Variants in CEP72 observed in about 807,000 individuals in gnomAD.
The protein encoded by CEP72 is centrosomal protein of 72 kDa.
A neutral mutation model predicts 65.7 loss-of-function variants in CEP72; 78 were observed. That is an observed-to-expected ratio of 1.19 (90% confidence interval 0.99 to 1.43). The LOEUF (loss-of-function observed/expected upper bound fraction) is 1.43, where lower values mean the gene tolerates loss of function less well. Ranked by LOEUF, CEP72 falls within the 40% of genes most tolerant of loss-of-function variation. The probability of loss-of-function intolerance (pLI) is 0.00; values close to 1 mark genes in which losing one functional copy is unlikely to be tolerated. For synonymous variants in CEP72, 358 were observed against 351.7 expected (o/e 1.02, Z -0.20); for missense variants, 914 against 832.9 (o/e 1.10, Z -1.20).
At position 649,304 on chromosome 5, in the gene CEP72, G is replaced by A. The variant is rs62650520; in HGVS notation, c.1778+1388G>A. On this transcript the variant is annotated intron_variant, in intron 11 of 11. Transcript: ENST00000264935. ...GACTGTGAGGCATGGACTGTGAGGCGTGACTGAGGCGTGACTGTGAGGCGT... is the reference window on the plus strand; with the variant it reads ...GACTGTGAGGCATGGACTGTGAGGCATGACTGAGGCGTGACTGTGAGGCGT... Among the ~76,000 whole-genome samples, 104 of 81,856 alleles carry A rather than the reference G, an allele frequency of 1.3e-3. 6 individuals are homozygous for A. Among genetic ancestry groups the A allele is most frequent in the African/African-American group, 3.7e-3 (86 of 22,982 alleles). 53.7% of individuals were successfully genotyped at this position (81,856 alleles called of 152,430 possible).
At chr5:654,761 A>G (rs1386336728), downstream of CEP72, among the ~76,000 whole-genome samples, 1 of 152,024 alleles carries the variant, frequency 6.6e-6, no homozygotes, top group Non-Finnish European at 1.5e-5. Flanking sequence ...TGGACCTGTG[A>G]GTTCATATTT....
intron 6 of CEP72, among the ~76,000 whole-genome samples, chr5:636,198 A>G (rs879565161): frequency 5.3e-5 from 8 of 152,228 alleles, no homozygotes; most frequent in Non-Finnish European, 7.3e-5. Flanking sequence ...TGCTTTTACT[A>G]TGAAATTTCT....
At chr5:642,780 G>T in intron 9 of CEP72, 1 of 985,504 alleles carries the variant, frequency 1.0e-6, no homozygotes, top group Non-Finnish European at 1.2e-6. Context: ...CCCCGCGGAG[G>T]GAGCAGCCGT....
At chr5:650,814 T>TG (rs200501197) in intron 11 of CEP72, among the ~76,000 whole-genome samples, 2 of 42,440 alleles carry the variant, frequency 4.7e-5, no homozygotes, top group Non-Finnish European at 7.8e-5. Flanking sequence ...CTGTGAGGTG[T>TG]GACTGTGAGG....
chr5:665,596 C>T (rs1561079867), intron 3 of CEP72, among the ~76,000 whole-genome samples: 1 of 150,428 alleles, frequency 6.6e-6, no homozygotes, highest in Non-Finnish European at 1.5e-5. Context: ...CAGGCCCCAC[C>T]CTCCAGGCTA....
chr5:666,919 G>A (rs922668133), exon 5 of CEP72: 13 of 152,216 alleles, frequency 8.5e-5, no homozygotes, highest in African/African-American at 3.1e-4. Flanking sequence ...AAGAGATCCT[G>A]TGGATGAGGC....
chr5:665,314 G>A (rs1238483697), exon 3 of CEP72: 2 of 1,606,036 alleles, frequency 1.2e-6, no homozygotes, highest in Admixed American at 3.4e-5. Context: ...AGGAGCAGGA[G>A]GAAGGGGGCA....
At chr5:646,246 G>T (rs1738416839) in intron 10 of CEP72, among the ~76,000 whole-genome samples, 1 of 152,148 alleles carries the variant, frequency 6.6e-6, no homozygotes, top group African/African-American at 2.4e-5. Flanking sequence ...TTCTTTTATT[G>T]CTAATTCTTC....
At chr5:647,726 T>A (rs1421135217) in intron 10 of CEP72, 79 bp from the exon 11 acceptor site, 4 of 913,288 alleles carry the variant, frequency 4.4e-6, no homozygotes, top group Non-Finnish European at 6.9e-6. Flanking sequence ...CCAGTTTAAA[T>A]GTAGAATTGT....
chr5:675,332 AGTGTGGCTG>A, the CEP72 span, among the ~76,000 whole-genome samples: 1 of 36,626 alleles, frequency 2.7e-5, no homozygotes, highest in Non-Finnish European at 4.9e-5. Flanking sequence ...CCGGGGGTGC[AGTGTGGCTG>A]GGGGTGCAGT....
At chr5:666,808 A>T (rs186417624) in intron 4 of CEP72, 3 of 152,204 alleles carry the variant, frequency 2.0e-5, no homozygotes, top group East Asian at 1.9e-4. Flanking sequence ...TTCTAAACTG[A>T]CTCTTGGTTT....
intron 2 of CEP72, 132 bp from the exon 3 acceptor site, chr5:619,937 T>TAATTC: frequency 1.4e-6 from 1 of 697,268 alleles, no homozygotes; most frequent in Non-Finnish European, 2.3e-6. Context: ...TTTTTCTACT[T>TAATTC]TTCCTGGTAA....
intron 9 of CEP72, 78 bp downstream of exon 9, chr5:640,682 C>T: frequency 6.7e-7 from 1 of 1,490,466 alleles, no homozygotes; most frequent in African/African-American, 1.4e-5. Context: ...ACGAGGGCAG[C>T]TCCTTGATGC....
intron 1 of CEP72, chr5:612,724 A>G: frequency 3.8e-6 from 3 of 792,390 alleles, no homozygotes; most frequent in Non-Finnish European, 4.6e-6. Context: ...CGCTGAGAAG[A>G]GGGAGCCGGC....
chr5:644,147 A>G (rs1345177228), intron 9 of CEP72, 152 bp from the exon 10 acceptor site: 1 of 805,554 alleles, frequency 1.2e-6, no homozygotes. Flanking sequence ...GAGCAGGGAG[A>G]TGTACCGTGA....
intron 10 of CEP72, among the ~76,000 whole-genome samples, chr5:646,027 C>A (rs1245043794): frequency 1.3e-5 from 2 of 151,280 alleles, no homozygotes; most frequent in Non-Finnish European, 2.9e-5. Context: ...CTCCCATCGG[C>A]GGCCTGTGTG....
At position 623,304 on chromosome 5, in the gene CEP72, G is replaced by C. The variant is rs1392025233; in HGVS notation, c.404-1167G>C. ...GGCGCTGCGGGAACCACGGAGGTGC[G>C]GGGCCCCGGGACGGCCTGCTGCCCT... On this transcript the variant is annotated intron_variant, in intron 3 of 11. Coordinates refer to ENST00000264935, the MANE Select transcript of CEP72 (RefSeq NM_018140.4). The surrounding 1 kb of genome is among the most constrained non-coding windows in gnomAD (Gnocchi z 5.3). Among the ~76,000 whole-genome samples the C allele has an allele frequency of 6.6e-6, 1 of 152,260 alleles. No homozygotes were observed. The highest frequency in any genetic ancestry group is 1.5e-5 in the Non-Finnish European group (1 of 68,046).
At chr5:648,845 GGACTGTGAGGTGT>G (rs1477903078) in intron 11 of CEP72, among the ~76,000 whole-genome samples, 10,234 of 42,822 alleles carry the variant, frequency 0.24, 1,374 homozygotes, top group Non-Finnish European at 0.27. Flanking sequence ...TGTGAGGTGT[GGACTGTGAGGTGT>G]GACTGTGAGG....
rs1736647419 is a variant in CEP72 at position 624,881 on chromosome 5, T to C, written c.512+302T>C. ...CCGGGGCTGGCAGCTCTCACGTCTG[T>C]GGCTGCCTCTGCTTCCAGCTCTCGC... On this transcript the variant is annotated intron_variant, in intron 4 of 11. Transcript: ENST00000264935. This position sits in a 1 kb window ranked among gnomAD's most constrained non-coding sequence, Gnocchi z 4.7. Among the ~76,000 whole-genome samples the C allele has an allele frequency of 6.6e-6, 1 of 152,264 alleles. No homozygotes were observed. Among genetic ancestry groups the C allele is most frequent in the African/African-American group, 2.4e-5 (1 of 41,476 alleles).
Sources: allele counts gnomAD v4.1 joint callset (sites outside exome capture counted in the v4.1 genomes callset), GRCh38; gene constraint gnomAD v4.1.1; non-coding constraint Gnocchi (gnomAD v3.1); transcripts MANE v1.5; gene names NCBI Gene and HGNC (gene_info 2026-07-23, HGNC 2026-07-21).